The following PIEZO1 variants were observed in gnomAD, a reference collection of about 807,000 sequenced individuals.
PIEZO1 encodes the protein piezo-type mechanosensitive ion channel component 1.
A neutral mutation model predicts 297.2 loss-of-function variants in PIEZO1; 296 were observed. The observed-to-expected ratio is 1.00, with a 90% CI of 0.91 to 1.10. The LOEUF (loss-of-function observed/expected upper bound fraction) is 1.10, where lower values mean the gene tolerates loss of function less well. PIEZO1 is among the 50% of genes least tolerant of loss of function. PIEZO1 has a pLI of 0.00. For missense variants in PIEZO1, 5,018 were observed against 3,455.5 expected (o/e 1.45, Z -11.34); for synonymous variants, 2,427 against 1,507.5 (o/e 1.61, Z -14.13).
intron 19 of PIEZO1, chr16:88,732,951 G>C (rs1358577399): frequency 3.4e-6 from 2 of 590,440 alleles, no homozygotes; most frequent in Non-Finnish European, 6.0e-6. Flanking sequence ...GAGAGGTCCA[G>C]GGAGAAGGAG....
At position 88,723,154 on chromosome 16, in the gene PIEZO1, G is replaced by T; in HGVS notation, c.4439-3C>A. ...CACCTCCTGGCTGGGACCACCTCCT[G>T]GGCACAGGATGCTGGTGAGTGACTG... On this transcript the variant is annotated splice_polypyrimidine_tract_variant and splice_region_variant and intron_variant, in intron 32 of 50. Transcript: ENST00000301015. The T allele has an allele frequency of 6.5e-7, 1 of 1,549,320 alleles. No homozygotes were observed. The highest frequency in any genetic ancestry group is 8.7e-7 in the Non-Finnish European group (1 of 1,146,824).
intron 30 of PIEZO1, among the ~76,000 whole-genome samples, chr16:88,724,402 G>A (rs919994963): frequency 6.6e-6 from 1 of 152,202 alleles, no homozygotes; most frequent in Admixed American, 6.5e-5. Flanking sequence ...GTGGTGGCGG[G>A]CACCTGTAAT....
At position 88,721,281 on chromosome 16, in the gene PIEZO1, C is replaced by G; in HGVS notation, c.5553G>C (p.Thr1851=). ...HIQVEARVGP[T]DGTPEPQVEL... ...CCACTTGGGGTTCTGGGGTCCCGTCCGTGGGTCCGACCCTGGCTTCCACCT... is the reference window on the plus strand; with the variant it reads ...CCACTTGGGGTTCTGGGGTCCCGTCGGTGGGTCCGACCCTGGCTTCCACCT... Residue 1851 remains threonine, a synonymous_variant, in exon 39 of 51, where the codon ACG becomes ACC. Transcript: ENST00000301015. 7 of 1,544,628 alleles carry G rather than the reference C, an allele frequency of 4.5e-6. No homozygotes were observed. Among genetic ancestry groups the G allele is most frequent in the Non-Finnish European group, 6.1e-6 (7 of 1,146,620 alleles).
In PIEZO1 at chr16:88,736,476, G is replaced by A. The variant is rs374298216; in HGVS notation, c.1297-68C>T. ...CCCAGGCGATGCCCCACACCTGCGC[G>A]GCAGAGGGGGCTGCACAGCTGCCCA... is the stretch of plus-strand genomic sequence containing the variant. On this transcript the variant is annotated intron_variant, in intron 11 of 50. Coordinates refer to ENST00000301015, the MANE Select transcript of PIEZO1 (RefSeq NM_001142864.4). 3.0e-4 allele frequency: 196 copies of A among 652,030 alleles called. 1 individual carries two copies. In the East Asian group the frequency reaches 3.8e-3, roughly 12 times the overall value. The allele number at this position is 652,030 out of a possible 1,614,324, so 40.4% of individuals were successfully genotyped here.
chr16:88,737,223 G>C, intron 10 of PIEZO1: 1 of 264,922 alleles, frequency 3.8e-6, no homozygotes, highest in South Asian at 5.1e-5. Flanking sequence ...GCCACCTGGA[G>C]CAGCTCCCAG....
At position 88,749,394 on chromosome 16, in the gene PIEZO1, G is replaced by A. The variant is rs934325198; in HGVS notation, c.150C>T (p.Cys50=). ...LLPWFPGPTR[C]GLQGHTGRLL... The stretch of plus-strand genomic sequence containing the variant: ...GTCCCCTGGCCTTACCTTGGAGGCC[G>A]CATCGGGTGGGGCCGGGGAACCAGG... Residue 50 remains cysteine, a synonymous_variant, in exon 2 of 51, where the codon TGC becomes TGT. Coordinates refer to ENST00000301015, the MANE Select transcript of PIEZO1 (RefSeq NM_001142864.4). 49 of 1,505,896 alleles carry A rather than the reference G, an allele frequency of 3.3e-5. No individual in the cohort carries two copies. Among genetic ancestry groups the A allele is most frequent in the Admixed American group, 1.1e-4 (5 of 45,690 alleles). 93.3% of individuals were successfully genotyped at this position (1,505,896 alleles called of 1,614,324 possible).
intron 22 of PIEZO1, among the ~76,000 whole-genome samples, chr16:88,729,486 A>C (rs11649630): frequency 0.062 from 4,086 of 66,098 alleles, 102 homozygotes; most frequent in Non-Finnish European, 0.088. Context: ...ACCTCGCGAC[A>C]CAAAAACAAA....
chr16:88,760,781 G>A (rs902912672), intron 1 of PIEZO1, among the ~76,000 whole-genome samples: 10 of 152,260 alleles, frequency 6.6e-5, no homozygotes, highest in African/African-American at 2.4e-4. Flanking sequence ...GACGCAGCAG[G>A]AGGTAAACGG....
chr16:88,738,664 G>C lies in PIEZO1; in HGVS notation c.538C>G (p.Arg180Gly), dbSNP rs897963232. The change falls in exon 6 of 51, where the codon CGG (arginine) becomes GGG (glycine). Residue 180 changes from arginine (R) to glycine (G), a missense_variant. Arg to Gly is a moderately radical substitution (Grantham distance 125, BLOSUM62 -2). Transcript: ENST00000301015. The stretch of plus-strand genomic sequence containing the variant: ...AAACGAGCGGCCAGCCGTGACCTCC[G>C]TGTAGGGGCCAGCGTTGCTGCTTCC... ...LQEAATLAPT[R>G]RSRLAARFRV... is the part of the protein sequence containing the mutation. 1.3e-5 allele frequency: 20 copies of C among 1,535,494 alleles called. No individual in the cohort carries two copies. The highest frequency in any genetic ancestry group is 3.3e-4 in the Middle Eastern group (2 of 6,008).
chr16:88,756,188 G>A (rs561077389), intron 1 of PIEZO1, among the ~76,000 whole-genome samples: 4 of 152,310 alleles, frequency 2.6e-5, no homozygotes, highest in South Asian at 4.2e-4. Flanking sequence ...CTCCTCACGG[G>A]CACCAGGCCA....
In PIEZO1 at chr16:88,733,980, T is replaced by C; in HGVS notation, c.2255A>G (p.Glu752Gly). Residue 752 changes from glutamate (E) to glycine (G), a missense_variant, in exon 17 of 51, where the codon GAG (glutamate) becomes GGG (glycine). Glu to Gly is a moderately conservative substitution (Grantham distance 98, BLOSUM62 -2). Transcript: ENST00000301015. Reference protein sequence around the residue: ...QEHQQQQQEEEEEEEDSRDEG... With the variant: ...QEHQQQQQEEGEEEEDSRDEG... Reference sequence around the variant, plus strand: ...GTCCCTGGAGTCCTCCTCCTCCTCCTCCTCCTCCTGCTGCTGCTGCTGATG... The same window carrying C: ...GTCCCTGGAGTCCTCCTCCTCCTCCCCCTCCTCCTGCTGCTGCTGCTGATG... 2 of 1,547,580 alleles carry C rather than the reference T, an allele frequency of 1.3e-6. No individual in the cohort carries two copies. The highest frequency in any genetic ancestry group is 8.7e-7 in the Non-Finnish European group (1 of 1,144,928).
intron 44 of PIEZO1, chr16:88,717,975 C>T (rs769218986): frequency 1.2e-5 from 4 of 337,774 alleles, no homozygotes; most frequent in Non-Finnish European, 1.7e-5. Context: ...CCCAGCTACT[C>T]GGGAGGCTGA....
intron 1 of PIEZO1, among the ~76,000 whole-genome samples, chr16:88,760,771 G>A (rs768135063): frequency 2.0e-5 from 3 of 152,246 alleles, no homozygotes; most frequent in African/African-American, 4.8e-5. Flanking sequence ...ACCCGCCTTC[G>A]ACGCAGCAGG....
At chr16:88,784,721 C>T (rs997461077) in intron 1 of PIEZO1, among the ~76,000 whole-genome samples, 180 bp downstream of exon 1, 3 of 151,724 alleles carry the variant, frequency 2.0e-5, no homozygotes, top group Admixed American at 2.0e-4. Context: ...ACAGGAGCCC[C>T]GCCGCCGCCT....
chr16:88,776,935 G>A (rs1907693711), intron 1 of PIEZO1, among the ~76,000 whole-genome samples: 1 of 152,212 alleles, frequency 6.6e-6, no homozygotes, highest in South Asian at 2.1e-4. Context: ...GGACTAGAAG[G>A]AGGGAAGGGC....
At chr16:88,742,955 A>T (rs1905786367) in intron 2 of PIEZO1, 1 of 402,624 alleles carries the variant, frequency 2.5e-6, no homozygotes, top group Non-Finnish European at 5.1e-6. Context: ...GAGAAGTTGC[A>T]TCCCGATGCA....
At chr16:88,755,677 G>A (rs569790604) in intron 1 of PIEZO1, among the ~76,000 whole-genome samples, 15 of 152,154 alleles carry the variant, frequency 9.9e-5, no homozygotes, top group African/African-American at 2.4e-4. Context: ...TGCTTATACC[G>A]CCTTTTCACC....
chr16:88,743,142 C>T, intron 2 of PIEZO1: 1 of 456,126 alleles, frequency 2.2e-6, no homozygotes, highest in Non-Finnish European at 4.4e-6. Context: ...TGCCTGTGGC[C>T]CCACTGGACT....
At chr16:88,760,327 G>C (rs138729550) in intron 1 of PIEZO1, among the ~76,000 whole-genome samples, 1 of 152,144 alleles carries the variant, frequency 6.6e-6, no homozygotes, top group Non-Finnish European at 1.5e-5. Context: ...CTGCCTCATG[G>C]ACAAAGAAGA....
Sources: allele counts gnomAD v4.1 joint callset (sites outside exome capture counted in the v4.1 genomes callset), GRCh38; gene constraint gnomAD v4.1.1; transcripts MANE v1.5; gene names NCBI Gene and HGNC (gene_info 2026-07-23, HGNC 2026-07-21).